Variants in TELO2 observed in about 807,000 individuals in gnomAD.
TELO2 encodes telomere length regulation protein TEL2 homolog.
Under a neutral mutation model 91.0 loss-of-function variants are expected in TELO2, and 71 were observed. That is an observed-to-expected ratio of 0.78 (90% CI 0.64 to 0.95). The LOEUF (loss-of-function observed/expected upper bound fraction) is 0.95. Ranked by LOEUF, TELO2 falls within the 40% of genes least tolerant of loss-of-function variation. TELO2 has a pLI of 0.00. For synonymous variants in TELO2, 584 were observed against 518.9 expected (o/e 1.13, Z -1.71); for missense variants, 1,183 against 1,141.3 (o/e 1.04, Z -0.53).
chr16:1,503,003 G>T lies in TELO2; in HGVS notation c.1842+1G>T. On this transcript the variant is annotated splice_donor_variant, in intron 15 of 20. Transcript: ENST00000262319. LOFTEE classifies it high-confidence loss of function. ...CCGGCAGCGCATGGACATCCTGGAT[G>T]TAAGTGCCTCCTGGGCCTCAGTCCC... The T allele has an allele frequency of 6.2e-7, 1 of 1,610,000 alleles. No homozygotes were observed.
Position 1,507,353 on chromosome 16 carries a change from T to A in TELO2, c.2274T>A (p.Leu758=). The A allele has an allele frequency of 1.2e-6, 2 of 1,611,036 alleles. No homozygotes were observed. Residue 758 remains leucine, a synonymous_variant, in exon 19 of 21, where the codon CTT becomes CTA. Coordinates refer to ENST00000262319, the MANE Select transcript of TELO2 (RefSeq NM_016111.4). ...CCCTGCTGGAATTCGTGTGGGCCCT[T>A]CGCTTCCACATCGATGCGTGAGTGG... is the stretch of plus-strand genomic sequence containing the variant. ...GKALLEFVWA[L]RFHIDAYVRQ... is the part of the protein sequence containing the mutation.
In TELO2 at chr16:1,494,831, C is replaced by A. The variant is rs371398297; in HGVS notation, c.335+215C>A. ...CTCACAAAGTCCCCCACTTGCTCCC[C>A]GTCCGGCTGTGTCAGAGAGGGATGG... is the stretch of plus-strand genomic sequence containing the variant. On this transcript the variant is annotated intron_variant, in intron 2 of 20. Coordinates refer to ENST00000262319, the MANE Select transcript of TELO2 (RefSeq NM_016111.4). The surrounding 1 kb of genome is among the most constrained non-coding windows in gnomAD (Gnocchi z 5.6). 6.6e-6 allele frequency among the ~76,000 whole-genome samples: 1 copy of A among 152,230 alleles called. No homozygotes were observed. The highest frequency in any genetic ancestry group is 2.4e-5 in the African/African-American group (1 of 41,452).
chr16:1,505,360 A>G lies in TELO2; in HGVS notation c.1843-50A>G, dbSNP rs1342593986. On this transcript the variant is annotated intron_variant, in intron 15 of 20. Transcript: ENST00000262319. The surrounding 1 kb of genome is among the most constrained non-coding windows in gnomAD (Gnocchi z 4.3). ...CTTTGGCTGACTTGACTCTTGGGAA[A>G]TGTTCTTCCCTGGAGCAGTGGCGAC... The G allele has an allele frequency of 6.4e-7, 1 of 1,561,930 alleles. No homozygotes were observed. The highest frequency in any genetic ancestry group is 8.7e-7 in the Non-Finnish European group (1 of 1,149,378).
In TELO2 at chr16:1,507,662, C is replaced by T. The variant is rs201846953; in HGVS notation, c.2353C>T (p.Arg785Cys). The T allele has an allele frequency of 4.3e-5, 69 of 1,603,086 alleles. No homozygotes were observed. The highest frequency in any genetic ancestry group is 1.7e-4 in the Middle Eastern group (1 of 6,060). Residue 785 changes from arginine (R) to cysteine (C), a missense_variant, in exon 20 of 21, where the codon CGC becomes TGC. Arg to Cys is a radical substitution (Grantham distance 180). Coordinates refer to ENST00000262319, the MANE Select transcript of TELO2 (RefSeq NM_016111.4). ...CGTCCTGCTCAGCCTGCCTGCTGCG[C>T]GCCTGCTGGAGGACCTGATGGACGA... ...SSVLLSLPAA[R>C]LLEDLMDELL...
chr16:1,505,641 CGTGG>C lies in TELO2; in HGVS notation c.2034+50_2034+53del. The C allele has an allele frequency of 1.4e-4, 105 of 730,552 alleles. No homozygotes were observed. Among genetic ancestry groups the C allele is most frequent in the Non-Finnish European group, 2.1e-4 (89 of 428,084 alleles). 45.3% of individuals were successfully genotyped at this position (730,552 alleles called of 1,614,324 possible). On this transcript the variant is annotated intron_variant, in intron 16 of 20. Coordinates refer to ENST00000262319, the MANE Select transcript of TELO2 (RefSeq NM_016111.4). This position sits in a 1 kb window ranked among gnomAD's most constrained non-coding sequence, Gnocchi z 4.3. ...GTCAGCTCCTCACGGGCATGGGGACCGTGGGTGGGTGGGAAGGGCGGTCAGACAC... is the reference window on the plus strand; with the variant it reads ...GTCAGCTCCTCACGGGCATGGGGACCGTGGGTGGGAAGGGCGGTCAGACAC...
chr16:1,507,166 C>T (rs1161882657), intron 18 of TELO2, 115 bp downstream of exon 18: 3 of 1,479,732 alleles, frequency 2.0e-6, no homozygotes, highest in Non-Finnish European at 2.7e-6. Context: ...CCTGTGTGGG[C>T]CCCCGGGCAG....
At chr16:1,501,819 G>A (rs778026669) in intron 11 of TELO2, 46 bp downstream of exon 11, 2 of 1,577,478 alleles carry the variant, frequency 1.3e-6, no homozygotes, top group South Asian at 2.2e-5. Flanking sequence ...GAGGCCGGGA[G>A]GCGAACCCCT....
chr16:1,509,842 A>C lies in TELO2; in HGVS notation c.2420A>C (p.Lys807Thr). Residue 807 changes from lysine (K) to threonine (T), a missense_variant, in exon 21 of 21, where the codon AAA (lysine) becomes ACA (threonine). Lys to Thr is a moderately conservative substitution (Grantham distance 78). Transcript: ENST00000262319. ...ARSWLADVAEKDPDEDCRTLA... is the reference protein window; with the variant it reads ...ARSWLADVAETDPDEDCRTLA... ...TCTCGTCTGGCAGACGTGGCTGAGAAAGACCCGGACGAGGACTGCAGGACG... is the reference window on the plus strand; with the variant it reads ...TCTCGTCTGGCAGACGTGGCTGAGACAGACCCGGACGAGGACTGCAGGACG... 6.2e-7 allele frequency: 1 copy of C among 1,612,098 alleles called. No individual in the cohort carries two copies. Among genetic ancestry groups the C allele is most frequent in the South Asian group, 1.1e-5 (1 of 90,822 alleles).
At chr16:1,499,751 C>T (rs2039610941) in intron 6 of TELO2, among the ~76,000 whole-genome samples, 1 of 152,252 alleles carries the variant, frequency 6.6e-6, no homozygotes, top group Admixed American at 6.5e-5. Context: ...GGTCCCCTGA[C>T]TCCCGGCCAC....
chr16:1,502,022 T>C, intron 11 of TELO2, 25 bp from the exon 12 acceptor site: 1 of 1,613,248 alleles, frequency 6.2e-7, no homozygotes, highest in Non-Finnish European at 8.5e-7. Context: ...CATGGGCTGC[T>C]CATGTCTGCT....
chr16:1,504,856 CCA>C (rs1407330787), intron 15 of TELO2, among the ~76,000 whole-genome samples: 1 of 150,652 alleles, frequency 6.6e-6, no homozygotes, highest in Admixed American at 6.7e-5. Context: ...TTCGGAACAT[CCA>C]CAGTGTCACG....
Position 1,495,150 on chromosome 16 carries a change from C to T in TELO2, c.336-196C>T, listed in dbSNP as rs980540943. On this transcript the variant is annotated intron_variant, in intron 2 of 20. Transcript: ENST00000262319. ...AGGTTGGGGAAGCCGCTCAGGGCCC[C>T]GAGAGCTCTCACACAGTAATCGCAG... 2.6e-5 allele frequency among the ~76,000 whole-genome samples: 4 copies of T among 152,334 alleles called. No homozygotes were observed. In the South Asian group the frequency reaches 6.2e-4, roughly 24 times the overall value.
Position 1,494,694 on chromosome 16 carries a change from G to T in TELO2, c.335+78G>T. 1 of 1,427,958 alleles carries T rather than the reference G, an allele frequency of 7.0e-7. No homozygotes were observed. The allele number at this position is 1,427,958 out of a possible 1,614,324, so 88.5% of individuals were successfully genotyped here. On this transcript the variant is annotated intron_variant, in intron 2 of 20. Coordinates refer to ENST00000262319, the MANE Select transcript of TELO2 (RefSeq NM_016111.4). The surrounding 1 kb of genome is among the most constrained non-coding windows in gnomAD (Gnocchi z 5.6). ...AGTGGCTTGAAGGACTGGACCAAGA[G>T]CCTCTCTAGTCCCTGTGAGGGGCTA... is the stretch of plus-strand genomic sequence containing the variant.
In TELO2 at chr16:1,502,155, G is replaced by C. The variant is rs1172755846; in HGVS notation, c.1561+20G>C. ...TGGAAGGTGGGCACGGGCCCCTGGA[G>C]GGCCTTGCTGGGCTGGGCATGGGTC... On this transcript the variant is annotated intron_variant, in intron 12 of 20. Coordinates refer to ENST00000262319, the MANE Select transcript of TELO2 (RefSeq NM_016111.4). 2 of 1,611,876 alleles carry C rather than the reference G, an allele frequency of 1.2e-6. No homozygotes were observed. Among genetic ancestry groups the C allele is most frequent in the South Asian group, 1.1e-5 (1 of 91,054 alleles).
Position 1,494,224 on chromosome 16 carries a change from G to A in TELO2, c.-36-22G>A, listed in dbSNP as rs115681894. 1,347 of 1,528,962 alleles carry A rather than the reference G, an allele frequency of 8.8e-4. 6 individuals carry two copies. The African/African-American group carries it at 0.015, about 17-fold the overall frequency. The allele number at this position is 1,528,962 out of a possible 1,614,324, so 94.7% of individuals were successfully genotyped here. A position where few individuals can be genotyped will look rare whatever the true frequency, so the allele number is the denominator to read the frequency against. ...GTGGATTATTTCCGTGCCCCAAGCT[G>A]AGCCCTGTGTCCATGTCACAGGTCG... On this transcript the variant is annotated intron_variant, in intron 1 of 20. Transcript: ENST00000262319. This position sits in a 1 kb window ranked among gnomAD's most constrained non-coding sequence, Gnocchi z 5.6.
At chr16:1,500,322 C>G in intron 7 of TELO2, 25 bp from the exon 8 acceptor site, 1 of 1,562,746 alleles carries the variant, frequency 6.4e-7, no homozygotes, top group Non-Finnish European at 8.6e-7. Flanking sequence ...GAGCCCCACA[C>G]AGTCGTGGGC....
chr16:1,494,368 C>T lies in TELO2; in HGVS notation c.87C>T (p.Phe29=). Residue 29 remains phenylalanine (F), a synonymous_variant, in exon 2 of 21, where the codon TTC becomes TTT. Coordinates refer to ENST00000262319, the MANE Select transcript of TELO2 (RefSeq NM_016111.4). The surrounding 1 kb of genome is among the most constrained non-coding windows in gnomAD (Gnocchi z 5.6). ...CTTCGGAGGATGGCGGCCACATCTT[C>T]TGCACCCTGGAGTCCCTGAAGCGGT... The part of the protein sequence containing the change: ...LSSSEDGGHI[F]CTLESLKRYL... The T allele has an allele frequency of 1.2e-6, 2 of 1,613,650 alleles. No individual in the cohort carries two copies. The highest frequency in any genetic ancestry group is 1.7e-6 in the Non-Finnish European group (2 of 1,180,010).
At position 1,493,515 on chromosome 16, in the gene TELO2, C is replaced by T. The variant is rs1044700313; in HGVS notation, c.-127C>T. On this transcript the variant is annotated 5_prime_UTR_variant, in exon 1 of 21. Coordinates refer to ENST00000262319, the MANE Select transcript of TELO2 (RefSeq NM_016111.4). This position sits in a 1 kb window ranked among gnomAD's most constrained non-coding sequence, Gnocchi z 4.3. The stretch of plus-strand genomic sequence containing the variant: ...GGCTGGGCCGCGATCGCGTTTCGTC[C>T]GGGGCCGCGGCGGCCGTGGGGAATC... The T allele has an allele frequency of 6.6e-6, 1 of 152,254 alleles. No homozygotes were observed. The highest frequency in any genetic ancestry group is 2.4e-5 in the African/African-American group (1 of 41,460). 9.4% of individuals were successfully genotyped at this position (152,254 alleles called of 1,614,324 possible).
Position 1,502,349 on chromosome 16 carries a change from C to T in TELO2, c.1598C>T (p.Ala533Val), listed in dbSNP as rs1409314305. Reference sequence around the variant, plus strand: ...TCTGAGGACATAGAGCGCTGGGAGGCAGCCCTGCGGGCCCTTGAGGGCCTG... The same window carrying T: ...TCTGAGGACATAGAGCGCTGGGAGGTAGCCCTGCGGGCCCTTGAGGGCCTG... ...TTSEDIERWE[A>V]ALRALEGLVY... Residue 533 changes from alanine to valine, a missense_variant, in exon 13 of 21, where the codon GCA (alanine) becomes GTA (valine). Coordinates refer to ENST00000262319, the MANE Select transcript of TELO2 (RefSeq NM_016111.4). 6 of 1,607,198 alleles carry T rather than the reference C, an allele frequency of 3.7e-6. No individual in the cohort carries two copies. The African/African-American group carries it at 4.0e-5, about 11-fold the overall frequency.
Sources: allele counts gnomAD v4.1 joint callset (sites outside exome capture counted in the v4.1 genomes callset), GRCh38; gene constraint gnomAD v4.1.1; non-coding constraint Gnocchi (gnomAD v3.1); transcripts MANE v1.5; gene names NCBI Gene and HGNC (gene_info 2026-07-23, HGNC 2026-07-21).